Variants in EPPK1 observed in about 807,000 individuals in gnomAD.
The protein encoded by EPPK1 is epiplakin 1.
For synonymous variants in EPPK1, 1,862 were observed against 1,721.2 expected (o/e 1.08, Z -2.03); for missense variants, 3,823 against 3,673.3 (o/e 1.04, Z -1.05).
In EPPK1 at chr8:143,872,602, A is replaced by G; in HGVS notation, c.652T>C (p.Cys218Arg). The stretch of plus-strand genomic sequence containing the variant: ...AGCCCCGAGCCGGGGGCACGCACAC[A>G]CCTTTCCAGCAGCTGGTGGTATGTC... ...RLTYHQLLER[C>R]VRAPGSGLAL... Residue 218 changes from cysteine to arginine, a missense_variant, in exon 2 of 2, where the codon TGT (cysteine) becomes CGT (arginine). Transcript: ENST00000615648. 1 of 1,610,346 alleles carries G rather than the reference A, an allele frequency of 6.2e-7. No homozygotes were observed. The highest frequency in any genetic ancestry group is 8.5e-7 in the Non-Finnish European group (1 of 1,179,518).
intron 1 of EPPK1, among the ~76,000 whole-genome samples, chr8:143,877,251 C>T (rs1473002900): frequency 6.6e-6 from 1 of 152,188 alleles, no homozygotes; most frequent in Non-Finnish European, 1.5e-5. Flanking sequence ...CCAGGCTTGG[C>T]AGGAGGAAGG....
rs781867410 is a variant in EPPK1, at chr8:143,858,081, T to C, written c.15173A>G (p.Asn5058Ser). 5 of 1,613,496 alleles carry C rather than the reference T, an allele frequency of 3.1e-6. No homozygotes were observed. The highest frequency in any genetic ancestry group is 1.1e-5 in the South Asian group (1 of 91,090). ...SDDTKGFFDP[N>S]THENLTYLQL... is the part of the protein sequence containing the mutation. ...CAGGTACGTGAGGTTCTCGTGCGTGTTGGGGTCGAAGAAGCCCTTGGTGTC... is the reference window on the plus strand; with the variant it reads ...CAGGTACGTGAGGTTCTCGTGCGTGCTGGGGTCGAAGAAGCCCTTGGTGTC... The change falls in exon 2 of 2, where the codon AAC (asparagine) becomes AGC (serine). Residue 5058 changes from asparagine to serine, a missense_variant. Coordinates refer to ENST00000615648, the MANE Select transcript of EPPK1 (RefSeq NM_031308.4).
At position 143,858,131 on chromosome 8, in the gene EPPK1, G is replaced by A. The variant is rs781828851; in HGVS notation, c.15123C>T (p.Asn5041=). ...YRRGYFDEEM[N]RVLADPSDDT... ...CGTCGCTGGGGTCGGCCAGGACGCG[G>A]TTCATCTCCTCGTCGAAGTAGCCGC... The change falls in exon 2 of 2, where the codon AAC becomes AAT. Residue 5041 remains asparagine (N), a synonymous_variant. Transcript: ENST00000615648. 1 of 1,613,340 alleles carries A rather than the reference G, an allele frequency of 6.2e-7. No homozygotes were observed. Among genetic ancestry groups the A allele is most frequent in the African/African-American group, 1.3e-5 (1 of 75,066 alleles).
rs781877845 is a variant in EPPK1, at chr8:143,870,699, C to T, written c.2555G>A (p.Arg852His). Reference protein sequence around the residue: ...FSEGRRRQLLRRYRQREVTLG... With the variant: ...FSEGRRRQLLHRYRQREVTLG... ...CGTGACCTCGCGCTGCCGGTAGCGA[C>T]GCAGCAGCTGCCTCCTGCGGCCCTC... Residue 852 changes from arginine to histidine, a missense_variant, in exon 2 of 2, where the codon CGT becomes CAT. Coordinates refer to ENST00000615648, the MANE Select transcript of EPPK1 (RefSeq NM_031308.4). This position sits in a 1 kb window ranked among gnomAD's most constrained non-coding sequence, Gnocchi z 5.2. 44 of 1,610,256 alleles carry T rather than the reference C, an allele frequency of 2.7e-5. No individual in the cohort carries two copies. Among genetic ancestry groups the T allele is most frequent in the African/African-American group, 4.0e-5 (3 of 74,856 alleles).
Position 143,869,168 on chromosome 8 carries a change from T to A in EPPK1, c.4086A>T (p.Thr1362=). 1 of 1,607,844 alleles carries A rather than the reference T, an allele frequency of 6.2e-7. No homozygotes were observed. The highest frequency in any genetic ancestry group is 8.5e-7 in the Non-Finnish European group (1 of 1,179,498). The change falls in exon 2 of 2, where the codon ACA becomes ACT. Residue 1362 remains threonine, a synonymous_variant. Coordinates refer to ENST00000615648, the MANE Select transcript of EPPK1 (RefSeq NM_031308.4). ...GLPLLQVQLA[T]GGVVDPVHGV... The stretch of plus-strand genomic sequence containing the variant: ...CGTGGACAGGGTCCACCACACCCCC[T>A]GTGGCCAGCTGCACCTGCAGGAGGG...
Position 143,866,722 on chromosome 8 carries a change from T to A in EPPK1, c.6532A>T (p.Arg2178Ter), listed in dbSNP as rs782274434. 6.2e-7 allele frequency: 1 copy of A among 1,613,480 alleles called. No individual in the cohort carries two copies. Among genetic ancestry groups the A allele is most frequent in the Non-Finnish European group, 8.5e-7 (1 of 1,179,884 alleles). Residue 2178 changes from arginine (R) to a stop codon, truncating the protein, a stop_gained, in exon 2 of 2, where the codon AGA becomes TGA. Transcript: ENST00000615648. LOFTEE classifies it low-confidence loss of function (END_TRUNC). The stretch of plus-strand genomic sequence containing the variant: ...AGTTCAGAAGCTGTGATCTGTCGTC[T>A]AATTCCTTGGAACCACAGGTGTTTG... ...SNKHLWFQGI[R>*]RQITASELLS...
At chr8:143,878,045 G>A (rs1554662528) in intron 1 of EPPK1, among the ~76,000 whole-genome samples, 2 of 152,188 alleles carry the variant, frequency 1.3e-5, no homozygotes, top group African/African-American at 2.4e-5. Flanking sequence ...CTCCTGGCCT[G>A]GGCGTTCCCC....
In EPPK1 at chr8:143,869,319, T is replaced by G. The variant is rs1256973493; in HGVS notation, c.3935A>C (p.Glu1312Ala). The G allele has an allele frequency of 1.9e-6, 3 of 1,606,408 alleles. No homozygotes were observed. The highest frequency in any genetic ancestry group is 2.6e-6 in the Non-Finnish European group (3 of 1,176,272). Residue 1312 changes from glutamate to alanine, a missense_variant, in exon 2 of 2, where the codon GAG becomes GCG. Transcript: ENST00000615648. The part of the protein sequence containing the change: ...DAVKVGLVGR[E>A]LSEQLGQAER... ...GGCCTGCCCGAGCTGCTCACTCAGC[T>G]CCCTGCCCACCAGGCCGACCTTAAC...
chr8:143,878,376 C>CCCGCACCCGCCGCACCCG (rs1239786180), intron 1 of EPPK1, 62 bp downstream of exon 1: 7 of 139,290 alleles, frequency 5.0e-5, no homozygotes, highest in South Asian at 1.9e-4. Context: ...GCCGCACCTG[C>CCCGCACCCGCCGCACCCG]CCGCACCCGC....
chr8:143,872,122 A>G lies in EPPK1; in HGVS notation c.1132T>C (p.Phe378Leu). 1 of 1,564,798 alleles carries G rather than the reference A, an allele frequency of 6.4e-7. No individual in the cohort carries two copies. Among genetic ancestry groups the G allele is most frequent in the Non-Finnish European group, 8.6e-7 (1 of 1,156,230 alleles). The change falls in exon 2 of 2, where the codon TTC (phenylalanine) becomes CTC (leucine). Residue 378 changes from phenylalanine (F) to leucine (L), a missense_variant. By Grantham distance (22) the Phe-to-Leu change is conservative. Coordinates refer to ENST00000615648, the MANE Select transcript of EPPK1 (RefSeq NM_031308.4). ...DPFSGSQIPL[F>L]QAMKKGLVDR... ...ACTAGCCCCTTCTTCATGGCCTGGA[A>G]AAGGGGGATTTGGGAGCCACTGAAG...
At position 143,870,517 on chromosome 8, in the gene EPPK1, G is replaced by T; in HGVS notation, c.2737C>A (p.Pro913Thr). Residue 913 changes from proline to threonine, a missense_variant, in exon 2 of 2, where the codon CCG (proline) becomes ACG (threonine). Coordinates refer to ENST00000615648, the MANE Select transcript of EPPK1 (RefSeq NM_031308.4). This position sits in a 1 kb window ranked among gnomAD's most constrained non-coding sequence, Gnocchi z 5.2. ...LDQVLAGTIS[P>T]EALLLMDGVR... ...CCGTCCATGAGTAGGAGGGCCTCCG[G>T]GCTGATTGTCCCGGCCAGCACTTGG... The T allele has an allele frequency of 6.2e-7, 1 of 1,609,294 alleles. No homozygotes were observed. Among genetic ancestry groups the T allele is most frequent in the Non-Finnish European group, 8.5e-7 (1 of 1,177,944 alleles).
Position 143,867,553 on chromosome 8 carries a change from C to T in EPPK1, c.5701G>A (p.Gly1901Arg). The change falls in exon 2 of 2, where the codon GGG (glycine) becomes AGG (arginine). Residue 1901 changes from glycine (G) to arginine (R), a missense_variant. Physicochemically the swap from Gly to Arg is moderately radical, Grantham distance 125. Transcript: ENST00000615648. Reference sequence around the variant, plus strand: ...TCCCTGGTGGAGGGCACCGTGACCCCCGCAATGCAGCCGCTGCCTTCCAGA... The same window carrying T: ...TCCCTGGTGGAGGGCACCGTGACCCTCGCAATGCAGCCGCTGCCTTCCAGA... ...PYLEGSGCIA[G>R]VTVPSTREVM... 6.2e-7 allele frequency: 1 copy of T among 1,612,764 alleles called. No individual in the cohort carries two copies. The highest frequency in any genetic ancestry group is 8.5e-7 in the Non-Finnish European group (1 of 1,179,814).
At position 143,873,225 on chromosome 8, in the gene EPPK1, G is replaced by T; in HGVS notation, c.29C>A (p.Pro10His). 6 of 1,575,274 alleles carry T rather than the reference G, an allele frequency of 3.8e-6. No individual in the cohort carries two copies. Among genetic ancestry groups the T allele is most frequent in the Non-Finnish European group, 5.1e-6 (6 of 1,166,208 alleles). The change falls in exon 2 of 2, where the codon CCC (proline) becomes CAC (histidine). Residue 10 changes from proline (P) to histidine (H), a missense_variant. Coordinates refer to ENST00000615648, the MANE Select transcript of EPPK1 (RefSeq NM_031308.4). The part of the protein sequence containing the change: MSGHTLPPL[P>H]VPGTNSTEQA... ...CTCTGTGCTGTTGGTGCCTGGGACGGGAAGAGGAGGCAAGGTGTGGCCACT... is the reference window on the plus strand; with the variant it reads ...CTCTGTGCTGTTGGTGCCTGGGACGTGAAGAGGAGGCAAGGTGTGGCCACT...
Position 143,867,515 on chromosome 8 carries a change from G to A in EPPK1, c.5739C>T (p.Leu1913=), listed in dbSNP as rs1563880556. The A allele has an allele frequency of 6.2e-7, 1 of 1,612,632 alleles. No homozygotes were observed. The highest frequency in any genetic ancestry group is 1.1e-5 in the South Asian group (1 of 91,070). The change falls in exon 2 of 2, where the codon CTC becomes CTT. Residue 1913 remains leucine, a synonymous_variant. Transcript: ENST00000615648. ...TVPSTREVMS[L]HEASRKELIP... ...TGAGCTCCTTCCTGCTGGCCTCATG[G>A]AGGCTCATGACCTCCCTGGTGGAGG...
intron 1 of EPPK1, among the ~76,000 whole-genome samples, chr8:143,875,733 T>C (rs1819465318): frequency 6.6e-6 from 1 of 152,252 alleles, no homozygotes; most frequent in South Asian, 2.1e-4. Context: ...CATCACAGTC[T>C]GCCCCAGCCA....
In EPPK1 at chr8:143,873,412, G is replaced by A. The variant is rs924949338; in HGVS notation, c.-45-114C>T. ...CCCGGGCTGGGCTCCACCCACAGACGTGCAGCTAGAGTGTCCCCGAGGAGC... is the reference window on the plus strand; with the variant it reads ...CCCGGGCTGGGCTCCACCCACAGACATGCAGCTAGAGTGTCCCCGAGGAGC... On this transcript the variant is annotated intron_variant, in intron 1 of 1. Transcript: ENST00000615648. 3.2e-5 allele frequency: 23 copies of A among 724,582 alleles called. No individual in the cohort carries two copies. In the East Asian group the frequency reaches 6.0e-4, roughly 19 times the overall value. 44.9% of individuals were successfully genotyped at this position (724,582 alleles called of 1,614,324 possible). A position where few individuals can be genotyped will look rare whatever the true frequency, so the allele number is the denominator to read the frequency against.
At position 143,873,314 on chromosome 8, in the gene EPPK1, A is replaced by G; in HGVS notation, c.-45-16T>C. On this transcript the variant is annotated splice_polypyrimidine_tract_variant and intron_variant, in intron 1 of 1. Transcript: ENST00000615648. The stretch of plus-strand genomic sequence containing the variant: ...CACCTCTGTCCTGCAGGGGACAGAA[A>G]GGCTCAATCAGGGACCCCGCATGGC... 1 of 1,430,664 alleles carries G rather than the reference A, an allele frequency of 7.0e-7. No individual in the cohort carries two copies. The highest frequency in any genetic ancestry group is 9.1e-7 in the Non-Finnish European group (1 of 1,093,680). 88.6% of individuals were successfully genotyped at this position (1,430,664 alleles called of 1,614,324 possible).
In EPPK1 at chr8:143,867,558, A is replaced by G. The variant is rs1554659513; in HGVS notation, c.5696T>C (p.Ile1899Thr). 6 of 1,612,750 alleles carry G rather than the reference A, an allele frequency of 3.7e-6. 1 individual carries two copies. Among genetic ancestry groups the G allele is most frequent in the Middle Eastern group, 3.3e-4 (2 of 6,062 alleles). ...GGTGGAGGGCACCGTGACCCCCGCA[A>G]TGCAGCCGCTGCCTTCCAGATAGGG... ...VKPYLEGSGCIAGVTVPSTRE... is the reference protein window; with the variant it reads ...VKPYLEGSGCTAGVTVPSTRE... The change falls in exon 2 of 2, where the codon ATT becomes ACT. Residue 1899 changes from isoleucine to threonine, a missense_variant. By Grantham distance (89) the Ile-to-Thr change is moderately conservative (BLOSUM62 -1). Transcript: ENST00000615648.
chr8:143,866,768 G>T lies in EPPK1; in HGVS notation c.6486C>A (p.Ile2162=), dbSNP rs200931316. 3 of 1,613,336 alleles carry T rather than the reference G, an allele frequency of 1.9e-6. No homozygotes were observed. The highest frequency in any genetic ancestry group is 1.3e-5 in the African/African-American group (1 of 74,890). Reference sequence around the variant, plus strand: ...GTTTGTTGCTGGTTTCCTGCTTCTCGATCAACTCTAAGATGAGCTGCGCTA... The same window carrying T: ...GTTTGTTGCTGGTTTCCTGCTTCTCTATCAACTCTAAGATGAGCTGCGCTA... ...QTVAQLILEL[I]EKQETSNKHL... is the part of the protein sequence containing the mutation. The change falls in exon 2 of 2, where the codon ATC becomes ATA. Residue 2162 remains isoleucine, a synonymous_variant. Coordinates refer to ENST00000615648, the MANE Select transcript of EPPK1 (RefSeq NM_031308.4).
Sources: allele counts gnomAD v4.1 joint callset (sites outside exome capture counted in the v4.1 genomes callset), GRCh38; gene constraint gnomAD v4.1.1; non-coding constraint Gnocchi (gnomAD v3.1); transcripts MANE v1.5; gene names NCBI Gene and HGNC (gene_info 2026-07-23, HGNC 2026-07-21).